The following FERMT3 variants were observed in gnomAD, a reference collection of about 807,000 sequenced individuals.
FERMT3 encodes the protein FERM domain containing kindlin 3.
FERMT3 carries 33 observed loss-of-function variants against 80.8 expected under a neutral mutation model. The observed-to-expected ratio is 0.41, with a 90% confidence interval of 0.31 to 0.55. FERMT3 has a LOEUF of 0.55. FERMT3 is among the 20% of genes least tolerant of loss of function. The pLI, the probability that FERMT3 is intolerant of heterozygous loss-of-function variation, is 0.31. For synonymous variants in FERMT3, 375 were observed against 372.2 expected (o/e 1.01, Z -0.09); for missense variants, 754 against 908.7 (o/e 0.83, Z 2.19).
Position 64,220,644 on chromosome 11 carries a change from T to A in FERMT3, c.1520T>A (p.Phe507Tyr). The A allele has an allele frequency of 6.2e-7, 1 of 1,611,606 alleles. No individual in the cohort carries two copies. The highest frequency in any genetic ancestry group is 8.5e-7 in the Non-Finnish European group (1 of 1,179,384). Reference protein sequence around the residue: ...LNPYGLVAPRFQRKFKAKQLT... With the variant: ...LNPYGLVAPRYQRKFKAKQLT... Reference sequence around the variant, plus strand: ...CCCTACGGCCTCGTTGCCCCCCGTTTCCAGCGAAAGTTCAAGGCCAAGCAG... The same window carrying A: ...CCCTACGGCCTCGTTGCCCCCCGTTACCAGCGAAAGTTCAAGGCCAAGCAG... The change falls in exon 12 of 15, where the codon TTC becomes TAC. Residue 507 changes from phenylalanine to tyrosine, a missense_variant. Phe to Tyr is a conservative substitution (Grantham distance 22). Transcript: ENST00000345728.
intron 6 of FERMT3, among the ~76,000 whole-genome samples, chr11:64,212,869 C>T (rs1402817457): frequency 6.6e-6 from 1 of 151,976 alleles, no homozygotes; most frequent in Non-Finnish European, 1.5e-5. Flanking sequence ...ATGTCTCTCT[C>T]CTAAGCTTTA....
At chr11:64,216,321 C>T (rs974297108) in intron 6 of FERMT3, among the ~76,000 whole-genome samples, 6 of 151,026 alleles carry the variant, frequency 4.0e-5, no homozygotes, top group South Asian at 2.1e-4. Flanking sequence ...CTCAGCCTTC[C>T]GAGCAGCTGG....
At chr11:64,223,252 G>A (rs982794995) in intron 14 of FERMT3, 61 bp from the exon 15 acceptor site, 2 of 1,612,928 alleles carry the variant, frequency 1.2e-6, no homozygotes, top group African/African-American at 2.7e-5. Flanking sequence ...GATCCAGCCA[G>A]GGTGGGGCAG....
Position 64,221,106 on chromosome 11 carries a change from C to G in FERMT3, c.1636C>G (p.Leu546Val). The change falls in exon 13 of 15, where the codon CTG (leucine) becomes GTG (valine). Residue 546 changes from leucine (L) to valine (V), a missense_variant. Leu to Val is a conservative substitution (Grantham distance 32, BLOSUM62 1). Transcript: ENST00000345728. ...GCGCTTCATCCAGGCCTGGCAGTCC[C>G]TGCCCGACTTCGGCATCTCCTATGT... is the stretch of plus-strand genomic sequence containing the variant. The part of the protein sequence containing the change: ...QLRFIQAWQS[L>V]PDFGISYVMV... The G allele has an allele frequency of 6.2e-7, 1 of 1,611,516 alleles. No homozygotes were observed.
At chr11:64,212,554 AC>A (rs1016007939) in intron 6 of FERMT3, among the ~76,000 whole-genome samples, 2 of 152,032 alleles carry the variant, frequency 1.3e-5, no homozygotes, top group African/African-American at 4.8e-5. Flanking sequence ...GCCATGTCCC[AC>A]CCGCTTCTTA....
chr11:64,221,443 AC>A (rs1433461451), intron 13 of FERMT3, among the ~76,000 whole-genome samples: 1 of 152,054 alleles, frequency 6.6e-6, no homozygotes, highest in Non-Finnish European at 1.5e-5. Context: ...AGCCTGGGCA[AC>A]ACAGAAAGTC....
intron 13 of FERMT3, among the ~76,000 whole-genome samples, chr11:64,222,292 C>T (rs1946711281): frequency 6.7e-6 from 1 of 149,746 alleles, no homozygotes; most frequent in Non-Finnish European, 1.5e-5. Context: ...AAAGAGCCTG[C>T]GCGATGGCTC....
At position 64,211,105 on chromosome 11, in the gene FERMT3, A is replaced by G; in HGVS notation, c.448A>G (p.Lys150Glu). ...SLLRAPEKKE[K>E]KKKEKEPEEE... Reference sequence around the variant, plus strand: ...GCTCCGGGCTCCTGAGAAGAAGGAGAAGAAGAAGAAAGAGAAGGAGCCAGA... The same window carrying G: ...GCTCCGGGCTCCTGAGAAGAAGGAGGAGAAGAAGAAAGAGAAGGAGCCAGA... Residue 150 changes from lysine to glutamate, a missense_variant, in exon 4 of 15, where the codon AAG (lysine) becomes GAG (glutamate). Transcript: ENST00000345728. The surrounding 1 kb of genome is among the most constrained non-coding windows in gnomAD (Gnocchi z 4.7). 6.4e-7 allele frequency: 1 copy of G among 1,565,908 alleles called. No individual in the cohort carries two copies. Among genetic ancestry groups the G allele is most frequent in the Non-Finnish European group, 8.7e-7 (1 of 1,154,664 alleles).
At position 64,211,674 on chromosome 11, in the gene FERMT3, A is replaced by T; in HGVS notation, c.713A>T (p.Gln238Leu). The T allele has an allele frequency of 6.2e-7, 1 of 1,614,110 alleles. No individual in the cohort carries two copies. The change falls in exon 6 of 15, where the codon CAG becomes CTG. Residue 238 changes from glutamine to leucine, a missense_variant. Transcript: ENST00000345728. This position sits in a 1 kb window ranked among gnomAD's most constrained non-coding sequence, Gnocchi z 4.7. ...RWLDSSRCLMQQGIKAGDALW... is the reference protein window; with the variant it reads ...RWLDSSRCLMLQGIKAGDALW... ...CTGGACTCGTCGCGGTGTCTCATGCAGCAGGGCATCAAGGCCGGGGACGCA... is the reference window on the plus strand; with the variant it reads ...CTGGACTCGTCGCGGTGTCTCATGCTGCAGGGCATCAAGGCCGGGGACGCA...
chr11:64,222,651 G>C (rs1946731711), intron 13 of FERMT3, among the ~76,000 whole-genome samples: 2 of 151,798 alleles, frequency 1.3e-5, no homozygotes, highest in South Asian at 4.1e-4. Context: ...ACAGTTCACT[G>C]TCTGGGCCTG....
chr11:64,221,357 T>C (rs1946677535), intron 13 of FERMT3, among the ~76,000 whole-genome samples: 1 of 152,200 alleles, frequency 6.6e-6, no homozygotes, highest in African/African-American at 2.4e-5. Context: ...CGCCAGGTAC[T>C]GGGGCTCATG....
Position 64,211,368 on chromosome 11 carries a change from C to G in FERMT3, c.608C>G (p.Pro203Arg). 6.2e-7 allele frequency: 1 copy of G among 1,610,318 alleles called. No individual in the cohort carries two copies. The highest frequency in any genetic ancestry group is 8.5e-7 in the Non-Finnish European group (1 of 1,178,904). Reference protein sequence around the residue: ...ACYHMLSRPQPPPDPLLLQRL... With the variant: ...ACYHMLSRPQRPPDPLLLQRL... ...TACCACATGCTGAGCCGGCCCCAGC[C>G]GCCACCCGACCCCCTCCTGCTCCAG... Residue 203 changes from proline to arginine, a missense_variant, in exon 5 of 15, where the codon CCG becomes CGG. Physicochemically the swap from Pro to Arg is moderately radical, Grantham distance 103. Transcript: ENST00000345728. This position sits in a 1 kb window ranked among gnomAD's most constrained non-coding sequence, Gnocchi z 4.7.
At position 64,211,271 on chromosome 11, in the gene FERMT3, C is replaced by T. The variant is rs1591027794; in HGVS notation, c.515-4C>T. On this transcript the variant is annotated splice_region_variant and splice_polypyrimidine_tract_variant and intron_variant, in intron 4 of 14. Coordinates refer to ENST00000345728, the MANE Select transcript of FERMT3 (RefSeq NM_031471.6). This position sits in a 1 kb window ranked among gnomAD's most constrained non-coding sequence, Gnocchi z 4.7. ...GCCTGGTTGACTCCCAACCTGCACT[C>T]CAGGCGTGGCACCTGCACTGTTCCG... 1.2e-6 allele frequency: 2 copies of T among 1,613,274 alleles called. No individual in the cohort carries two copies. Among genetic ancestry groups the T allele is most frequent in the Non-Finnish European group, 8.5e-7 (1 of 1,179,854 alleles).
At chr11:64,209,069 A>G (rs572752487) in intron 2 of FERMT3, among the ~76,000 whole-genome samples, 1 of 152,160 alleles carries the variant, frequency 6.6e-6, no homozygotes, top group African/African-American at 2.4e-5. Flanking sequence ...CATTGATTAC[A>G]TGTGGTGGCT....
intron 10 of FERMT3, 83 bp from the exon 11 acceptor site, chr11:64,220,137 A>C: frequency 1.3e-6 from 2 of 1,570,630 alleles, no homozygotes; most frequent in Non-Finnish European, 8.8e-7. Context: ...TCCTGAGGTG[A>C]CGGTGTGGGC....
chr11:64,207,949 C>T (rs1946351199), intron 2 of FERMT3: 1 of 168,312 alleles, frequency 5.9e-6, no homozygotes. Context: ...CCTGCCCCCA[C>T]AGGAAGTTAC....
Position 64,220,429 on chromosome 11 carries a change from C to G in FERMT3, c.1312-7C>G, listed in dbSNP as rs368719526. ...TTAGCACTGTCCCCCTCACCCCTCT[C>G]GCCCAGGAGCAGCAGTATGCCCGCT... On this transcript the variant is annotated splice_region_variant and splice_polypyrimidine_tract_variant and intron_variant, in intron 11 of 14. Transcript: ENST00000345728. 1 of 1,610,694 alleles carries G rather than the reference C, an allele frequency of 6.2e-7. No homozygotes were observed. The highest frequency in any genetic ancestry group is 8.5e-7 in the Non-Finnish European group (1 of 1,179,500).
chr11:64,212,204 C>T (rs947500655), intron 6 of FERMT3, among the ~76,000 whole-genome samples: 1 of 152,202 alleles, frequency 6.6e-6, no homozygotes, highest in Non-Finnish European at 1.5e-5. Flanking sequence ...CCCTCTGTGC[C>T]CTGTTCACTC....
rs759626949 is a variant in FERMT3, at chr11:64,210,858, C to T, written c.394+14C>T. 16 of 1,610,416 alleles carry T rather than the reference C, an allele frequency of 9.9e-6. No individual in the cohort carries two copies. Among genetic ancestry groups the T allele is most frequent in the Non-Finnish European group, 1.2e-5 (14 of 1,179,896 alleles). On this transcript the variant is annotated intron_variant, in intron 3 of 14. Transcript: ENST00000345728. This position sits in a 1 kb window ranked among gnomAD's most constrained non-coding sequence, Gnocchi z 4.3. ...GCCGCCTCCTCAGTAAGTTGCCCGG[C>T]TGATTCCCCTGGCCCACGAGGGTGA...
Sources: gnomAD v4.1 joint callset for allele counts (sites outside exome capture counted in the v4.1 genomes callset) on GRCh38, gnomAD v4.1.1 for gene constraint, Gnocchi (gnomAD v3.1) non-coding constraint, MANE v1.5 for transcripts, NCBI Gene and HGNC (gene_info 2026-07-23, HGNC 2026-07-21) for gene names.